The following CHSY1 variants were observed in gnomAD, a reference collection of about 807,000 sequenced individuals.
The protein encoded by CHSY1 is chondroitin sulfate synthase 1.
A neutral mutation model predicts 59.8 loss-of-function variants in CHSY1; 13 were observed. The ratio of observed to expected loss-of-function variants is 0.22; its 90% CI spans 0.14 to 0.35. CHSY1 has a LOEUF of 0.35. Among genes scored for constraint, CHSY1 ranks in the 10% least tolerant of loss-of-function variants. CHSY1 has a pLI of 1.00. For synonymous variants in CHSY1, 459 were observed against 401.2 expected, an observed-to-expected ratio of 1.14 and a Z score of -1.72; for missense variants, 947 against 1,030.6, an observed-to-expected ratio of 0.92 and a Z score of 1.11.
Position 101,177,438 on chromosome 15 carries a change from G to A in CHSY1, c.2359C>T (p.Pro787Ser), listed in dbSNP as rs774345953. The A allele has an allele frequency of 3.0e-5, 49 of 1,613,496 alleles. 1 individual carries two copies. In the South Asian group the frequency reaches 5.3e-4, roughly 17 times the overall value. ...TTATTGCTGCTTTTACTGTAACTTG[G>A]ATCATTTTTTTCCAGCCACATCTCA... Reference protein sequence around the residue: ...LAEMWLEKNDPSYSKSSNNNG... With the variant: ...LAEMWLEKNDSSYSKSSNNNG... The change falls in exon 3 of 3, where the codon CCA (proline) becomes TCA (serine). Residue 787 changes from proline to serine, a missense_variant. This residue lies in a region of CHSY1 where 602 missense variants were observed against 676.9 expected (regional missense o/e 0.89). Transcript: ENST00000254190.
intron 2 of CHSY1, among the ~76,000 whole-genome samples, chr15:101,215,816 T>C (rs902914621): frequency 6.6e-6 from 1 of 152,230 alleles, no homozygotes; most frequent in African/African-American, 2.4e-5. Context: ...CTTGTTAATA[T>C]TCATCTAGGT....
intron 2 of CHSY1, among the ~76,000 whole-genome samples, chr15:101,185,827 G>C (rs1323543570): frequency 6.6e-6 from 1 of 150,674 alleles, no homozygotes; most frequent in Non-Finnish European, 1.5e-5. Flanking sequence ...CTGTGGGTGA[G>C]ATGAAACTGA....
At chr15:101,184,075 C>G (rs570849581) in intron 2 of CHSY1, among the ~76,000 whole-genome samples, 1 of 152,348 alleles carries the variant, frequency 6.6e-6, no homozygotes, top group Non-Finnish European at 1.5e-5. Flanking sequence ...GTCCATACCC[C>G]ACACAGGGAG....
Position 101,177,998 on chromosome 15 carries a change from T to C in CHSY1, c.1799A>G (p.Gln600Arg), listed in dbSNP as rs1263931839. The C allele has an allele frequency of 2.5e-6, 4 of 1,614,078 alleles. No homozygotes were observed. In the African/African-American group the frequency reaches 4.0e-5, roughly 16 times the overall value. The change falls in exon 3 of 3, where the codon CAG (glutamine) becomes CGG (arginine). Residue 600 changes from glutamine to arginine, a missense_variant. Transcript: ENST00000254190. ...YRIKYPKADM[Q>R]ILPVSGEFSR... ...AAACTCTCCAGACACAGGCAAAATC[T>C]GCATGTCGGCTTTAGGGTACTTAAT...
At position 101,251,951 on chromosome 15, in the gene CHSY1, C is replaced by T. The variant is rs1451832345; in HGVS notation, c.-495G>A. The T allele has an allele frequency of 1.3e-5, 2 of 151,286 alleles. No homozygotes were observed. The highest frequency in any genetic ancestry group is 2.4e-5 in the African/African-American group (1 of 41,346). 9.4% of individuals were successfully genotyped at this position (151,286 alleles called of 1,614,324 possible). A position where few individuals can be genotyped will look rare whatever the true frequency, so the allele number is the denominator to read the frequency against. On this transcript the variant is annotated 5_prime_UTR_variant, in exon 1 of 3. Coordinates refer to ENST00000254190, the MANE Select transcript of CHSY1 (RefSeq NM_014918.5). ...GCTCGCCATTGCAACAGGAGCCCCT[C>T]ACGTCACGCACGGCGCGTTATGAAG...
intron 2 of CHSY1, among the ~76,000 whole-genome samples, chr15:101,200,296 A>G (rs2038559610): frequency 6.6e-6 from 1 of 152,214 alleles, no homozygotes; most frequent in Non-Finnish European, 1.5e-5. Flanking sequence ...ATCTATCGAC[A>G]AAATTATTCA....
At chr15:101,217,967 C>G (rs1326306924) in intron 2 of CHSY1, among the ~76,000 whole-genome samples, 1 of 152,206 alleles carries the variant, frequency 6.6e-6, no homozygotes, top group Non-Finnish European at 1.5e-5. Flanking sequence ...AGGTCAACAT[C>G]AACAACGATA....
rs1402341039 is a variant in CHSY1 at position 101,235,548 on chromosome 15, A to G, written c.350T>C (p.Val117Ala). The stretch of plus-strand genomic sequence containing the variant: ...AGAACCCTCACTTGAGAAGAACTGA[A>G]CTTTCCCAGGAATTGTCTTGGACCA... ...RTWSKTIPGK[V>A]QFFSSEGSDT... Residue 117 changes from valine (V) to alanine (A), a missense_variant, in exon 2 of 3, where the codon GTT becomes GCT. Val to Ala is a moderately conservative substitution (Grantham distance 64, BLOSUM62 0). Around this residue, in one of 4 missense-constraint regions of CHSY1, gnomAD observed 232 missense variants for 188.5 expected, o/e 1.23. Coordinates refer to ENST00000254190, the MANE Select transcript of CHSY1 (RefSeq NM_014918.5). The G allele has an allele frequency of 1.2e-6, 2 of 1,612,090 alleles. No homozygotes were observed. The highest frequency in any genetic ancestry group is 1.7e-6 in the Non-Finnish European group (2 of 1,179,994).
intron 2 of CHSY1, among the ~76,000 whole-genome samples, chr15:101,179,793 G>A (rs1295830977): frequency 9.2e-5 from 14 of 152,350 alleles, no homozygotes; most frequent in Non-Finnish European, 1.6e-4. Context: ...CCTCCGCCCC[G>A]TGGCGCAGGT....
At chr15:101,180,025 T>C (rs548888260) in intron 2 of CHSY1, among the ~76,000 whole-genome samples, 1 of 152,358 alleles carries the variant, frequency 6.6e-6, no homozygotes, top group East Asian at 1.9e-4. Flanking sequence ...GGTTGTTTTT[T>C]GTTCATATTG....
At chr15:101,249,675 G>A (rs1212300204) in intron 1 of CHSY1, among the ~76,000 whole-genome samples, 3 of 151,928 alleles carry the variant, frequency 2.0e-5, no homozygotes, top group Admixed American at 6.6e-5. Context: ...CACCACACCC[G>A]GCTAATTTTT....
intron 1 of CHSY1, among the ~76,000 whole-genome samples, chr15:101,246,489 A>G (rs965027284): frequency 1.3e-5 from 2 of 152,198 alleles, no homozygotes; most frequent in Admixed American, 6.5e-5. Flanking sequence ...TGTCCACCGG[A>G]TATTAAAATA....
intron 1 of CHSY1, among the ~76,000 whole-genome samples, chr15:101,250,286 T>C (rs1356995367): frequency 6.6e-6 from 1 of 152,210 alleles, no homozygotes; most frequent in East Asian, 1.9e-4. Flanking sequence ...AGGGTTTCCA[T>C]CAAATCCCTT....
In CHSY1 at chr15:101,251,242, G is replaced by T; in HGVS notation, c.215C>A (p.Pro72Gln). The T allele has an allele frequency of 6.4e-7, 1 of 1,555,432 alleles. No individual in the cohort carries two copies. ...GCCGCCATCTGGGTCCGAGCCGGGC[G>T]GCCAGAGCTGCGCCCCGCGCGCATC... Reference protein sequence around the residue: ...RGDARGAQLWPPGSDPDGGPR... With the variant: ...RGDARGAQLWQPGSDPDGGPR... The change falls in exon 1 of 3, where the codon CCG becomes CAG. Residue 72 changes from proline (P) to glutamine (Q), a missense_variant. Physicochemically the swap from Pro to Gln is moderately conservative, Grantham distance 76. Coordinates refer to ENST00000254190, the MANE Select transcript of CHSY1 (RefSeq NM_014918.5).
At chr15:101,193,289 G>C (rs952608583) in intron 2 of CHSY1, among the ~76,000 whole-genome samples, 1 of 152,366 alleles carries the variant, frequency 6.6e-6, no homozygotes, top group Non-Finnish European at 1.5e-5. Flanking sequence ...ACAGCAGCGA[G>C]GGCAGGGCTG....
At chr15:101,233,621 C>A (rs1428611491) in intron 2 of CHSY1, among the ~76,000 whole-genome samples, 1 of 152,180 alleles carries the variant, frequency 6.6e-6, no homozygotes, top group Non-Finnish European at 1.5e-5. Flanking sequence ...GCCCAGTGAG[C>A]TGTCCCCTAT....
chr15:101,185,891 G>A (rs893242306), intron 2 of CHSY1, among the ~76,000 whole-genome samples: 15 of 151,612 alleles, frequency 9.9e-5, no homozygotes, highest in African/African-American at 2.4e-4. Flanking sequence ...AGCGTTTAAC[G>A]CCTACATCTC....
Position 101,178,410 on chromosome 15 carries a change from T to C in CHSY1, c.1387A>G (p.Met463Val), listed in dbSNP as rs1385559639. Residue 463 changes from methionine to valine, a missense_variant, in exon 3 of 3, where the codon ATG becomes GTG. Physicochemically the swap from Met to Val is conservative, Grantham distance 21 (BLOSUM62 1). Transcript: ENST00000254190. ...LLYKKHKGKK[M>V]TVPVRRHAYL... Reference sequence around the variant, plus strand: ...GCGTGCCTCCTCACAGGGACCGTCATTTTCTTCCCTTTGTGCTTTTTGTAC... The same window carrying C: ...GCGTGCCTCCTCACAGGGACCGTCACTTTCTTCCCTTTGTGCTTTTTGTAC... The C allele has an allele frequency of 2.5e-6, 4 of 1,613,102 alleles. No individual in the cohort carries two copies. Among genetic ancestry groups the C allele is most frequent in the Admixed American group, 1.7e-5 (1 of 60,012 alleles).
At position 101,183,155 on chromosome 15, in the gene CHSY1, A is replaced by G. The variant is rs559751319; in HGVS notation, c.817-4175T>C. On this transcript the variant is annotated intron_variant, in intron 2 of 2. Coordinates refer to ENST00000254190, the MANE Select transcript of CHSY1 (RefSeq NM_014918.5). ...TAGAAGATCATAACGATAAAAAAAA[A>G]CCAGACAACAGGAGAGAAAAGTATT... Among the ~76,000 whole-genome samples, 3 of 152,292 alleles carry G rather than the reference A, an allele frequency of 2.0e-5. No homozygotes were observed. In the East Asian group the frequency reaches 5.8e-4, roughly 29 times the overall value.
Sources: gnomAD v4.1 joint callset for allele counts (sites outside exome capture counted in the v4.1 genomes callset) on GRCh38, gnomAD v4.1.1 for gene constraint, gnomAD v4.1.1 regional missense constraint, MANE v1.5 for transcripts, NCBI Gene and HGNC (gene_info 2026-07-23, HGNC 2026-07-21) for gene names.